The following CRY2 variants were observed in gnomAD, a reference collection of about 807,000 sequenced individuals.
The protein encoded by CRY2 is cryptochrome-2.
CRY2 carries 31 observed loss-of-function variants against 69.5 expected under a neutral mutation model. The ratio of observed to expected loss-of-function variants is 0.45; its 90% CI spans 0.34 to 0.60. CRY2 has a LOEUF of 0.60. Among genes scored for constraint, CRY2 ranks in the 20% least tolerant of loss-of-function variants. The pLI, the probability that CRY2 is intolerant of heterozygous loss-of-function variation, is 0.02. For missense variants in CRY2, 606 were observed against 797.8 expected, an observed-to-expected ratio of 0.76 and a Z score of 2.90; for synonymous variants, 303 against 312.2, an observed-to-expected ratio of 0.97 and a Z score of 0.31.
chr11:45,861,055 C>T (rs2086284542), intron 4 of CRY2, 23 bp downstream of exon 4: 1 of 1,595,254 alleles, frequency 6.3e-7, no homozygotes. Context: ...TGCCCAGAGC[C>T]ACTTGTGCTG....
chr11:45,862,297 G>A, intron 5 of CRY2, 149 bp downstream of exon 5: 2 of 657,982 alleles, frequency 3.0e-6, no homozygotes, highest in African/African-American at 1.8e-5. Flanking sequence ...CATAACAACA[G>A]CAACACTAAC....
chr11:45,871,648 G>A (rs550427013), intron 10 of CRY2, among the ~76,000 whole-genome samples: 7 of 152,336 alleles, frequency 4.6e-5, no homozygotes, highest in Middle Eastern at 3.4e-3. Context: ...CCCTTCTTGG[G>A]GATGAAGATG....
Position 45,879,039 on chromosome 11 carries a change from G to A in CRY2, c.*3-1875G>A, listed in dbSNP as rs61276264. Among the ~76,000 whole-genome samples, 593 of 150,380 alleles carry A rather than the reference G, an allele frequency of 3.9e-3. 6 individuals are homozygous for A. The highest frequency in any genetic ancestry group is 0.013 in the African/African-American group (542 of 40,804). On this transcript the variant is annotated intron_variant, in intron 11 of 11. Coordinates refer to ENST00000616080, the MANE Select transcript of CRY2 (RefSeq NM_021117.5). The stretch of plus-strand genomic sequence containing the variant: ...GAGGTCAGGAGTTAGAGACCAGCCT[G>A]ACCAACATGGAGAAACCCCATCTCT...
chr11:45,870,592 C>T (rs2086370988), intron 9 of CRY2, 60 bp downstream of exon 9: 1 of 1,574,284 alleles, frequency 6.4e-7, no homozygotes. Flanking sequence ...GCTCAGGGGG[C>T]CAGATGGGGA....
intron 3 of CRY2, among the ~76,000 whole-genome samples, chr11:45,860,344 C>T (rs2086276834): frequency 6.7e-6 from 1 of 148,432 alleles, no homozygotes; most frequent in African/African-American, 2.5e-5. Context: ...GGATGATTTT[C>T]CAAGAAAGGA....
At chr11:45,848,288 A>G (rs1399893122) in intron 1 of CRY2, among the ~76,000 whole-genome samples, 1 of 152,146 alleles carries the variant, frequency 6.6e-6, no homozygotes, top group Non-Finnish European at 1.5e-5. Flanking sequence ...TCTCCCCTAT[A>G]TTATAAATAA....
intron 5 of CRY2, among the ~76,000 whole-genome samples, chr11:45,865,659 C>G (rs1056466672): frequency 1.3e-5 from 2 of 152,034 alleles, no homozygotes; most frequent in African/African-American, 2.4e-5. Flanking sequence ...CCAGTGAGAG[C>G]AGATGCGTAA....
chr11:45,856,741 A>C (rs1331115830), intron 2 of CRY2, among the ~76,000 whole-genome samples: 2 of 150,848 alleles, frequency 1.3e-5, no homozygotes, highest in African/African-American at 2.4e-5. Flanking sequence ...GCTTTCAGTG[A>C]GCCGAGATTG....
At chr11:45,853,490 A>C (rs112881163) in intron 1 of CRY2, among the ~76,000 whole-genome samples, 177 of 152,276 alleles carry the variant, frequency 1.2e-3, no homozygotes, top group Non-Finnish European at 2.1e-3. Flanking sequence ...AGTTCTATAG[A>C]AGGCAGATTG....
intron 11 of CRY2, among the ~76,000 whole-genome samples, chr11:45,876,496 C>T (rs989365577): frequency 3.3e-5 from 5 of 152,218 alleles, no homozygotes; most frequent in African/African-American, 1.2e-4. Flanking sequence ...CTGACTGCTC[C>T]GGATTCCATT....
chr11:45,882,279 TGCGTGTGTGGTAC>T lies in CRY2; in HGVS notation c.*1370_*1382del. 1 of 210,950 alleles carries T rather than the reference TGCGTGTGTGGTAC, an allele frequency of 4.7e-6. No homozygotes were observed. The allele number at this position is 210,950 out of a possible 1,614,324, so 13.1% of individuals were successfully genotyped here. The stretch of plus-strand genomic sequence containing the variant: ...GAGCCACAAAGTGTGTGTGTGTGTG[TGCGTGTGTGGTAC>T]GTGTGTGTGTGTGTGGCTATGAGGC... On this transcript the variant is annotated 3_prime_UTR_variant, in exon 12 of 12. Coordinates refer to ENST00000616080, the MANE Select transcript of CRY2 (RefSeq NM_021117.5).
intron 1 of CRY2, among the ~76,000 whole-genome samples, chr11:45,851,980 G>C (rs2086202173): frequency 6.6e-6 from 1 of 152,152 alleles, no homozygotes; most frequent in South Asian, 2.1e-4. Flanking sequence ...CATTCCTAGA[G>C]AAGGCCTTCC....
chr11:45,881,990 TCAGG>T lies in CRY2; in HGVS notation c.*1083_*1086del, dbSNP rs1414100958. ...ATCCCAGTAGCTGAGCTCCAAGGAC[TCAGG>T]CAGAGGGACTCAGGGATGGGGACTG... On this transcript the variant is annotated 3_prime_UTR_variant, in exon 12 of 12. Coordinates refer to ENST00000616080, the MANE Select transcript of CRY2 (RefSeq NM_021117.5). 9.2e-5 allele frequency: 14 copies of T among 152,298 alleles called. No homozygotes were observed. The highest frequency in any genetic ancestry group is 8.5e-4 in the Admixed American group (13 of 15,290). The allele number at this position is 152,298 out of a possible 1,614,324, so 9.4% of individuals were successfully genotyped here.
chr11:45,865,678 G>A (rs1231584844), intron 5 of CRY2, among the ~76,000 whole-genome samples: 1 of 152,140 alleles, frequency 6.6e-6, no homozygotes, highest in East Asian at 1.9e-4. Flanking sequence ...AAAGAAGAGG[G>A]GCAGCAGGAG....
At chr11:45,869,978 G>T in intron 7 of CRY2, 75 bp from the exon 8 acceptor site, 1 of 1,530,820 alleles carries the variant, frequency 6.5e-7, no homozygotes, top group Non-Finnish European at 8.8e-7. Flanking sequence ...TTGGCTCCTG[G>T]GGGCACTGTG....
At chr11:45,878,651 G>A (rs925902915) in intron 11 of CRY2, among the ~76,000 whole-genome samples, 7 of 152,176 alleles carry the variant, frequency 4.6e-5, no homozygotes, top group Admixed American at 1.3e-4. Context: ...AGCCAGGTGC[G>A]GTGGCTTACG....
chr11:45,852,701 A>G (rs1463187117), intron 1 of CRY2, among the ~76,000 whole-genome samples: 1 of 152,266 alleles, frequency 6.6e-6, no homozygotes, highest in African/African-American at 2.4e-5. Flanking sequence ...CAAGAGAGAA[A>G]GTTTAGTACA....
chr11:45,869,724 G>T lies in CRY2; in HGVS notation c.1101G>T (p.Arg367Ser), dbSNP rs778915922. Residue 367 changes from arginine to serine, a missense_variant, in exon 7 of 12, where the codon AGG (arginine) becomes AGT (serine). By Grantham distance (110) the Arg-to-Ser change is moderately radical. Coordinates refer to ENST00000616080, the MANE Select transcript of CRY2 (RefSeq NM_021117.5). ...PWIDAIMTQLRQEGWIHHLAR... is the reference protein window; with the variant it reads ...PWIDAIMTQLSQEGWIHHLAR... Reference sequence around the variant, plus strand: ...TTGATGCCATCATGACCCAACTGAGGCAGGAGGGCTGGATCCACCACCTGG... The same window carrying T: ...TTGATGCCATCATGACCCAACTGAGTCAGGAGGGCTGGATCCACCACCTGG... 6.2e-7 allele frequency: 1 copy of T among 1,614,178 alleles called. No homozygotes were observed. Among genetic ancestry groups the T allele is most frequent in the South Asian group, 1.1e-5 (1 of 91,088 alleles).
intron 11 of CRY2, among the ~76,000 whole-genome samples, chr11:45,872,959 G>T (rs1173927639): frequency 6.6e-6 from 1 of 152,202 alleles, no homozygotes; most frequent in African/African-American, 2.4e-5. Context: ...ACTTGGCCCA[G>T]CCCTGCCTGA....
Sources: allele counts gnomAD v4.1 joint callset (sites outside exome capture counted in the v4.1 genomes callset), GRCh38; gene constraint gnomAD v4.1.1; transcripts MANE v1.5; gene names NCBI Gene and HGNC (gene_info 2026-07-23, HGNC 2026-07-21).